ACAD10: variants seen among roughly 807,000 people sequenced by gnomAD.
ACAD10 encodes acyl-CoA dehydrogenase family member 10.
A neutral mutation model predicts 116.8 loss-of-function variants in ACAD10; 112 were observed. That is an observed-to-expected ratio of 0.96 (90% confidence interval 0.82 to 1.12). The LOEUF (loss-of-function observed/expected upper bound fraction) is 1.12, where lower values mean the gene tolerates loss of function less well. ACAD10 is among the 50% of genes most tolerant of loss of function. The pLI is 0.00. For synonymous variants in ACAD10, 486 were observed against 510.6 expected, an observed-to-expected ratio of 0.95 and a Z score of 0.65; for missense variants, 1,259 against 1,350.2, an observed-to-expected ratio of 0.93 and a Z score of 1.06.
At position 111,755,472 on chromosome 12, in the gene ACAD10, G is replaced by A. The variant is rs1442491089; in HGVS notation, c.2962-196G>A. Among the ~76,000 whole-genome samples the A allele has an allele frequency of 2.0e-5, 3 of 151,786 alleles. No homozygotes were observed. In the East Asian group the frequency reaches 5.8e-4, roughly 29 times the overall value. On this transcript the variant is annotated intron_variant, in intron 19 of 20. Transcript: ENST00000313698. ...GCTTGAGTGCAGTGTTGCAATCTCA[G>A]CTTACCACAGCCCCCAACTTCCCAG... is the stretch of plus-strand genomic sequence containing the variant.
intron 2 of ACAD10, among the ~76,000 whole-genome samples, chr12:111,696,991 G>T (rs1888205882): frequency 6.6e-6 from 1 of 151,720 alleles, no homozygotes; most frequent in South Asian, 2.1e-4. Flanking sequence ...TGAGGCAGGA[G>T]AATGGCGTGC....
chr12:111,756,205 C>T, intron 20 of ACAD10, 128 bp from the exon 21 acceptor site: 1 of 1,441,958 alleles, frequency 6.9e-7, no homozygotes. Context: ...GTGATTGTAT[C>T]ACATAGGTGC....
intron 2 of ACAD10, chr12:111,693,099 A>C: frequency 1.7e-6 from 1 of 593,018 alleles, no homozygotes; most frequent in Non-Finnish European, 3.0e-6. Flanking sequence ...TACTTTCCTC[A>C]TCATTAAATG....
intron 19 of ACAD10, among the ~76,000 whole-genome samples, chr12:111,755,334 GA>G (rs1243669360): frequency 6.6e-6 from 1 of 152,142 alleles, no homozygotes; most frequent in African/African-American, 2.4e-5. Flanking sequence ...TCAAACTCCT[GA>G]CCTCAGGTGA....
intron 17 of ACAD10, 54 bp downstream of exon 17, chr12:111,748,529 C>A: frequency 6.2e-7 from 1 of 1,601,370 alleles, no homozygotes; most frequent in Non-Finnish European, 8.5e-7. Flanking sequence ...CCCCAGGAAA[C>A]ACCACTGAGG....
At position 111,724,820 on chromosome 12, in the gene ACAD10, GA is replaced by G. The variant is rs140124689; in HGVS notation, c.1061+3082del. Among the ~76,000 whole-genome samples the G allele has an allele frequency of 3.2e-3, 462 of 145,480 alleles. 2 individuals carry two copies. Among genetic ancestry groups the G allele is most frequent in the African/African-American group, 0.012 (434 of 36,536 alleles). On this transcript the variant is annotated intron_variant, in intron 8 of 20. Transcript: ENST00000313698. Reference sequence around the variant, plus strand: ...AGGGGAGACCGTGGAAAGAGAGGGAGAGGGAGACCGTGGAAAGAGAGGGAGA... The same window carrying G: ...AGGGGAGACCGTGGAAAGAGAGGGAGGGGAGACCGTGGAAAGAGAGGGAGA...
chr12:111,693,020 T>A (rs1888099300), intron 2 of ACAD10, 124 bp downstream of exon 2: 1 of 1,106,050 alleles, frequency 9.0e-7, no homozygotes, highest in African/African-American at 1.6e-5. Context: ...GCTCTGGCTC[T>A]CGAGTCGAAT....
At chr12:111,698,832 T>C (rs1287869414) in intron 2 of ACAD10, among the ~76,000 whole-genome samples, 1 of 152,150 alleles carries the variant, frequency 6.6e-6, no homozygotes, top group African/African-American at 2.4e-5. Flanking sequence ...TTTTATGCCT[T>C]GTCTTTTGAT....
intron 17 of ACAD10, chr12:111,748,745 G>T: frequency 5.5e-6 from 3 of 547,738 alleles, no homozygotes; most frequent in South Asian, 2.0e-5. Flanking sequence ...CAGGGCAGAC[G>T]CAGGAAGTGG....
Position 111,749,241 on chromosome 12 carries a change from C to A in ACAD10, c.2713C>A (p.Arg905=). ...AGAGAACATGGTCCTGGGCCCTGGC[C>A]GAGGCTTTGAGATCGCCCAGGGCAG... ...PKENMVLGPG[R]GFEIAQGRLG... is the part of the protein sequence containing the mutation. The change falls in exon 18 of 21, where the codon CGA becomes AGA. Residue 905 remains arginine, a synonymous_variant. Transcript: ENST00000313698. 6.2e-7 allele frequency: 1 copy of A among 1,614,078 alleles called. No homozygotes were observed.
At chr12:111,694,691 T>C (rs1328540641) in intron 2 of ACAD10, among the ~76,000 whole-genome samples, 1 of 152,230 alleles carries the variant, frequency 6.6e-6, no homozygotes, top group Non-Finnish European at 1.5e-5. Context: ...CTCTGGATTT[T>C]ACAAAATCTC....
At chr12:111,742,797 C>T (rs1889782439) in intron 12 of ACAD10, among the ~76,000 whole-genome samples, 1 of 152,138 alleles carries the variant, frequency 6.6e-6, no homozygotes, top group South Asian at 2.1e-4. Flanking sequence ...GCAACCTCCA[C>T]CTCCTGGGTT....
chr12:111,715,916 C>G lies in ACAD10; in HGVS notation c.946C>G (p.Pro316Ala), dbSNP rs767055373. The G allele has an allele frequency of 5.0e-6, 8 of 1,613,904 alleles. No individual in the cohort carries two copies. Among genetic ancestry groups the G allele is most frequent in the African/African-American group, 1.3e-5 (1 of 74,896 alleles). Residue 316 changes from proline (P) to alanine (A), a missense_variant, in exon 7 of 21, where the codon CCA becomes GCA. Transcript: ENST00000313698. ...NRDLVLRKKP[P>A]GTLLPSAHAI... ...TGATCTAGTTCTGAGGAAGAAGCCC[C>G]CAGGGACACTCCTTCCATCTGCCCA...
chr12:111,726,755 G>C (rs138792119), intron 8 of ACAD10, among the ~76,000 whole-genome samples: 15 of 152,260 alleles, frequency 9.9e-5, no homozygotes, highest in South Asian at 2.1e-4. Context: ...CAGCTATTCG[G>C]GATGCTGAGG....
intron 16 of ACAD10, chr12:111,747,726 G>A: frequency 8.8e-7 from 1 of 1,136,426 alleles, no homozygotes; most frequent in Non-Finnish European, 1.1e-6. Flanking sequence ...CCTCGATCAG[G>A]TGTGTTACAT....
At chr12:111,722,751 A>G (rs1889053758) in intron 8 of ACAD10, among the ~76,000 whole-genome samples, 1 of 152,248 alleles carries the variant, frequency 6.6e-6, no homozygotes, top group South Asian at 2.1e-4. Flanking sequence ...TTTTCTTAGT[A>G]CAGAACAAAA....
chr12:111,715,861 TCCAACTTACTACATCAGGCTGGCTAATCG>T lies in ACAD10; in HGVS notation c.892_920del (p.Pro298Ter). On this transcript the variant is annotated frameshift_variant, in exon 7 of 21. Coordinates refer to ENST00000313698, the MANE Select transcript of ACAD10 (RefSeq NM_025247.6). LOFTEE classifies it high-confidence loss of function. ...TTCAGTTTGATCACGGGCAGTCAAA[TCCAACTTACTACATCAGGCTGGCTAATCG>T]TGATCTAGTTCTGAGGAAGAAGCCC... is the stretch of plus-strand genomic sequence containing the variant. The T allele has an allele frequency of 6.2e-7, 1 of 1,614,116 alleles. No homozygotes were observed. The highest frequency in any genetic ancestry group is 2.2e-5 in the East Asian group (1 of 44,866).
intron 12 of ACAD10, among the ~76,000 whole-genome samples, chr12:111,737,580 G>T (rs1271312346): frequency 6.6e-6 from 1 of 152,080 alleles, no homozygotes; most frequent in African/African-American, 2.4e-5. Flanking sequence ...TCAAAATTTG[G>T]TCATATAGAA....
chr12:111,748,450 G>C lies in ACAD10; in HGVS notation c.2619G>C (p.Thr873=). ...TPGIKIIRPL[T]VYGLEDAPGG... ...GGATAAAAATCATCCGGCCTCTGAC[G>C]GTGTATGGACTGGAAGATGCACCAG... Residue 873 remains threonine (T), a synonymous_variant, in exon 17 of 21, where the codon ACG becomes ACC. Coordinates refer to ENST00000313698, the MANE Select transcript of ACAD10 (RefSeq NM_025247.6). 1.9e-6 allele frequency: 3 copies of C among 1,613,722 alleles called. No individual in the cohort carries two copies. The highest frequency in any genetic ancestry group is 2.5e-6 in the Non-Finnish European group (3 of 1,180,028).
Sources: allele counts gnomAD v4.1 joint callset (sites outside exome capture counted in the v4.1 genomes callset), GRCh38; gene constraint gnomAD v4.1.1; transcripts MANE v1.5; gene names NCBI Gene and HGNC (gene_info 2026-07-23, HGNC 2026-07-21).